Variants in HHAT observed in about 807,000 individuals in gnomAD.
HHAT encodes the protein protein-cysteine N-palmitoyltransferase HHAT.
In HHAT, 47 loss-of-function variants were observed where a neutral mutation model predicts 70.8. That is an observed-to-expected ratio of 0.66 (90% CI 0.53 to 0.85). The LOEUF (loss-of-function observed/expected upper bound fraction) is 0.85. Among genes scored for constraint, HHAT ranks in the 40% least tolerant of loss-of-function variants. The pLI is 0.00. For synonymous variants in HHAT, 228 were observed against 247.6 expected (o/e 0.92, Z 0.74); for missense variants, 609 against 604.8 (o/e 1.01, Z -0.07).
intron 9 of HHAT, among the ~76,000 whole-genome samples, chr1:210,580,664 T>G (rs186938147): frequency 1.1e-3 from 162 of 152,256 alleles, no homozygotes; most frequent in African/African-American, 3.8e-3. Flanking sequence ...GCAAAGGACA[T>G]GATCTCATTC....
intron 11 of HHAT, among the ~76,000 whole-genome samples, chr1:210,632,843 T>C (rs922929266): frequency 1.3e-5 from 2 of 152,170 alleles, no homozygotes; most frequent in Non-Finnish European, 2.9e-5. Context: ...CTTTGAATAC[T>C]GAGATAGACA....
chr1:210,422,669 G>C (rs921243644), intron 7 of HHAT, among the ~76,000 whole-genome samples: 1 of 151,606 alleles, frequency 6.6e-6, no homozygotes, highest in South Asian at 2.1e-4. Context: ...ACGGAGTCTC[G>C]CTCCATCGCC....
At chr1:210,391,684 A>G (rs1382398891) in intron 4 of HHAT, among the ~76,000 whole-genome samples, 1 of 152,270 alleles carries the variant, frequency 6.6e-6, no homozygotes, top group African/African-American at 2.4e-5. Context: ...TCTTAAAACT[A>G]CAATAAGATA....
intron 9 of HHAT, among the ~76,000 whole-genome samples, chr1:210,514,525 T>G (rs1362867613): frequency 6.6e-6 from 1 of 152,236 alleles, no homozygotes; most frequent in African/African-American, 2.4e-5. Flanking sequence ...CCCATTGTAC[T>G]GTTCCCTTAA....
At chr1:210,464,729 G>GT (rs1423190421) in intron 8 of HHAT, 74 bp downstream of exon 8, 1 of 1,515,184 alleles carries the variant, frequency 6.6e-7, no homozygotes, top group East Asian at 2.3e-5. Context: ...GCCTCAAAGG[G>GT]TTCGGGCTAC....
chr1:210,419,666 C>T (rs965330553), intron 7 of HHAT, among the ~76,000 whole-genome samples: 2 of 152,192 alleles, frequency 1.3e-5, no homozygotes, highest in African/African-American at 2.4e-5. Flanking sequence ...ATCACACGTA[C>T]TTAATCAGAA....
At chr1:210,532,503 T>G (rs904341316) in intron 9 of HHAT, among the ~76,000 whole-genome samples, 2 of 152,204 alleles carry the variant, frequency 1.3e-5, no homozygotes, top group African/African-American at 4.8e-5. Flanking sequence ...TAAAAACACC[T>G]TATGATTTAA....
At chr1:210,502,278 G>A (rs1294925474) in intron 8 of HHAT, among the ~76,000 whole-genome samples, 1 of 150,612 alleles carries the variant, frequency 6.6e-6, no homozygotes, top group Non-Finnish European at 1.5e-5. Context: ...CAGCTACTTG[G>A]GAGGCTGAGG....
At chr1:210,329,905 C>G (rs933465590) in intron 1 of HHAT, among the ~76,000 whole-genome samples, 14 of 152,162 alleles carry the variant, frequency 9.2e-5, no homozygotes, top group African/African-American at 3.4e-4. Flanking sequence ...CGCCACCACG[C>G]CCACCTAATT....
intron 5 of HHAT, among the ~76,000 whole-genome samples, chr1:210,400,973 A>C (rs2092041397): frequency 6.6e-6 from 1 of 152,218 alleles, no homozygotes; most frequent in Non-Finnish European, 1.5e-5. Context: ...AGAAGAAACA[A>C]ACAGATGATT....
chr1:210,559,838 A>G lies in HHAT; in HGVS notation c.1044-28060A>G, dbSNP rs185372092. On this transcript the variant is annotated intron_variant, in intron 9 of 11. Coordinates refer to ENST00000261458, the MANE Select transcript of HHAT (RefSeq NM_018194.6). ...TAGGTATTTTTTTGTGTGTGACATT[A>G]TTGAAACAGTGTATCAGACTCTATT... Among the ~76,000 whole-genome samples, 28 of 152,308 alleles carry G rather than the reference A, an allele frequency of 1.8e-4. No homozygotes were observed. In the South Asian group the frequency reaches 3.1e-3, roughly 17 times the overall value.
intron 9 of HHAT, among the ~76,000 whole-genome samples, chr1:210,523,545 A>G (rs376733522): frequency 1.3e-5 from 2 of 151,530 alleles, no homozygotes; most frequent in African/African-American, 4.9e-5. Context: ...ATTGTGAATC[A>G]CTCCCAGTGA....
At chr1:210,634,553 C>G (rs1240813925) in intron 11 of HHAT, among the ~76,000 whole-genome samples, 1 of 152,218 alleles carries the variant, frequency 6.6e-6, no homozygotes, top group Admixed American at 6.5e-5. Context: ...ATTTTCTGGT[C>G]ACACAGGTCT....
chr1:210,373,990 C>T (rs1217211032), intron 3 of HHAT, among the ~76,000 whole-genome samples: 1 of 152,184 alleles, frequency 6.6e-6, no homozygotes. Context: ...GTTACACAGA[C>T]TTTTATCATG....
intron 9 of HHAT, among the ~76,000 whole-genome samples, chr1:210,560,564 C>T (rs1221011595): frequency 6.6e-6 from 1 of 151,474 alleles, no homozygotes; most frequent in Admixed American, 6.6e-5. Context: ...ACCTGTGGTC[C>T]CATTACTTTG....
intron 9 of HHAT, among the ~76,000 whole-genome samples, chr1:210,583,640 T>C (rs1459478797): frequency 1.3e-5 from 2 of 152,212 alleles, no homozygotes; most frequent in Non-Finnish European, 2.9e-5. Context: ...TCTTCCAGTC[T>C]TGAAGCTATA....
At chr1:210,335,770 A>G (rs889113758) in intron 1 of HHAT, among the ~76,000 whole-genome samples, 1 of 152,224 alleles carries the variant, frequency 6.6e-6, no homozygotes, top group African/African-American at 2.4e-5. Flanking sequence ...TACAAAAATT[A>G]ATCAAGATAA....
rs748950732 is a variant in HHAT, at chr1:210,449,161, C to T, written c.857-15344C>T. Reference sequence around the variant, plus strand: ...GCTTAAAATTGGTGGTCGGACCTCCCGGGTCCCTCTGCCATGTCTGACACT... The same window carrying T: ...GCTTAAAATTGGTGGTCGGACCTCCTGGGTCCCTCTGCCATGTCTGACACT... On this transcript the variant is annotated intron_variant, in intron 7 of 11. Transcript: ENST00000261458. 6.6e-5 allele frequency among the ~76,000 whole-genome samples: 10 copies of T among 152,174 alleles called. No homozygotes were observed. The South Asian group carries it at 1.0e-3, about 16-fold the overall frequency.
intron 6 of HHAT, among the ~76,000 whole-genome samples, chr1:210,415,553 A>C (rs577824605): frequency 2.6e-5 from 4 of 152,258 alleles, no homozygotes; most frequent in Non-Finnish European, 5.9e-5. Flanking sequence ...TCTCCAAAGC[A>C]ATTACTGTTG....
Sources: allele counts gnomAD v4.1 joint callset (sites outside exome capture counted in the v4.1 genomes callset), GRCh38; gene constraint gnomAD v4.1.1; transcripts MANE v1.5; gene names NCBI Gene and HGNC (gene_info 2026-07-23, HGNC 2026-07-21).